ACYP2: variants seen among roughly 807,000 people sequenced by gnomAD.
ACYP2 encodes acylphosphatase-2.
In ACYP2, 12 loss-of-function variants were observed where a neutral mutation model predicts 11.2. The observed-to-expected ratio is 1.08, with a 90% confidence interval of 0.69 to 1.74. The LOEUF is 1.74. Among genes scored for constraint, ACYP2 ranks in the 40% most tolerant of loss-of-function variants. ACYP2 has a pLI of 0.00. For missense variants in ACYP2, 134 were observed against 101.9 expected, an observed-to-expected ratio of 1.31 and a Z score of -1.35; for synonymous variants, 43 against 32.2, an observed-to-expected ratio of 1.33 and a Z score of -1.13.
chr2:54,046,167 CAAAAAAAAAAAAAA>C (rs36114622), intron 2 of ACYP2, among the ~76,000 whole-genome samples: 3 of 55,846 alleles, frequency 5.4e-5, no homozygotes, highest in Admixed American at 4.7e-4. Context: ...CAGACCCTGT[CAAAAAAAAAAAAAA>C]AAAAAAAAAA....
chr2:54,053,898 T>G (rs941777944), intron 3 of ACYP2, among the ~76,000 whole-genome samples: 1 of 152,250 alleles, frequency 6.6e-6, no homozygotes, highest in African/African-American at 2.4e-5. Flanking sequence ...TTACTCTCAC[T>G]GGGAGAGGGC....
rs1423433774 is a variant in ACYP2 at position 54,252,800 on chromosome 2, A to T, written c.405-51888A>T. 5.3e-5 allele frequency among the ~76,000 whole-genome samples: 8 copies of T among 152,090 alleles called. No homozygotes were observed. The Middle Eastern group carries it at 0.024, about 453-fold the overall frequency. On this transcript the variant is annotated intron_variant, in intron 6 of 6. Transcript: ENST00000607452. ...GCACCTGTAGTCCCAGCTACTCGGG[A>T]GGCTGAGGCAGGAGAACGGTATGAA...
At chr2:54,129,913 T>C (rs1160557258) in intron 4 of ACYP2, among the ~76,000 whole-genome samples, 1 of 148,466 alleles carries the variant, frequency 6.7e-6, no homozygotes, top group East Asian at 1.9e-4. Context: ...GTATAATACA[T>C]ATATAATAAA....
chr2:54,275,906 AT>A (rs1688541385), intron 6 of ACYP2, among the ~76,000 whole-genome samples: 1 of 152,188 alleles, frequency 6.6e-6, no homozygotes, highest in African/African-American at 2.4e-5. Context: ...CATTAAGCGT[AT>A]CCCTAATTAT....
chr2:54,277,167 G>A (rs1383116468), intron 6 of ACYP2, among the ~76,000 whole-genome samples: 1 of 152,126 alleles, frequency 6.6e-6, no homozygotes, highest in African/African-American at 2.4e-5. Context: ...GAATCAAAGT[G>A]CATGCTCATT....
chr2:54,298,148 T>C (rs1434238457), intron 6 of ACYP2, among the ~76,000 whole-genome samples: 1 of 152,214 alleles, frequency 6.6e-6, no homozygotes, highest in Non-Finnish European at 1.5e-5. Flanking sequence ...AGGGATTAAG[T>C]AAATATATCA....
chr2:53,989,277 CTTTTTT>C (rs775237196), intron 2 of ACYP2, among the ~76,000 whole-genome samples: 52 of 94,816 alleles, frequency 5.5e-4, no homozygotes, highest in East Asian at 1.6e-3. Context: ...GTAGACAATT[CTTTTTT>C]TTTTTTTTTT....
At chr2:54,024,438 G>A (rs897764478) in intron 2 of ACYP2, among the ~76,000 whole-genome samples, 8 of 152,082 alleles carry the variant, frequency 5.3e-5, no homozygotes, top group African/African-American at 1.4e-4. Context: ...TTTAACATAC[G>A]CAAATCAATA....
chr2:54,249,696 A>C (rs1687124133), intron 6 of ACYP2, among the ~76,000 whole-genome samples: 1 of 152,134 alleles, frequency 6.6e-6, no homozygotes, highest in Non-Finnish European at 1.5e-5. Context: ...AAATCCCAGC[A>C]CTCTGAGGCC....
chr2:54,111,245 A>G (rs540821889), intron 4 of ACYP2, among the ~76,000 whole-genome samples: 1 of 152,312 alleles, frequency 6.6e-6, no homozygotes, highest in South Asian at 2.1e-4. Flanking sequence ...CTACAAAAAG[A>G]ATCCTGCAAA....
At chr2:54,276,473 T>C (rs1463101117) in intron 6 of ACYP2, among the ~76,000 whole-genome samples, 1 of 152,158 alleles carries the variant, frequency 6.6e-6, no homozygotes, top group Non-Finnish European at 1.5e-5. Context: ...ATACCATGGG[T>C]AGAATCTTCA....
chr2:54,086,462 G>A (rs920379424), intron 4 of ACYP2, among the ~76,000 whole-genome samples: 7 of 152,172 alleles, frequency 4.6e-5, no homozygotes, highest in African/African-American at 1.7e-4. Context: ...CTCACAAGCG[G>A]GTGTGGGAAG....
chr2:54,267,070 T>C (rs1688066254), intron 6 of ACYP2, among the ~76,000 whole-genome samples: 1 of 152,186 alleles, frequency 6.6e-6, no homozygotes, highest in African/African-American at 2.4e-5. Context: ...TCTTATCTCT[T>C]GTGGTGGACA....
intron 6 of ACYP2, among the ~76,000 whole-genome samples, chr2:54,233,377 C>G (rs1245492129): frequency 6.7e-6 from 1 of 148,298 alleles, no homozygotes; most frequent in Non-Finnish European, 1.5e-5. Flanking sequence ...CTCACTGCAA[C>G]CTCTACTTCC....
intron 4 of ACYP2, among the ~76,000 whole-genome samples, chr2:54,093,716 G>A (rs1011889105): frequency 9.9e-5 from 15 of 152,234 alleles, no homozygotes; most frequent in African/African-American, 3.4e-4. Context: ...CGAGGCGGGT[G>A]GATCACGAGG....
At position 54,052,174 on chromosome 2, in the gene ACYP2, GT is replaced by G. The variant is rs368803930; in HGVS notation, c.155+1132del. The stretch of plus-strand genomic sequence containing the variant: ...TGCTGAATAAGTTTGTTTTAGTGCA[GT>G]TTTTTTTCTTATCTATAAAGCATTT... On this transcript the variant is annotated intron_variant, in intron 3 of 6. Coordinates refer to ENST00000607452, the MANE Select transcript of ACYP2 (RefSeq NM_001320586.2). 6.6e-5 allele frequency among the ~76,000 whole-genome samples: 10 copies of G among 151,928 alleles called. 1 individual carries two copies. Among genetic ancestry groups the G allele is most frequent in the African/African-American group, 1.4e-4 (6 of 41,428 alleles).
chr2:54,253,160 T>C (rs1198415154), intron 6 of ACYP2: 5 of 152,210 alleles, frequency 3.3e-5, no homozygotes, highest in Non-Finnish European at 5.9e-5. Context: ...GGACAAGTTA[T>C]CAAAAAGGAC....
At chr2:54,160,702 G>A (rs1682674132) in intron 6 of ACYP2, among the ~76,000 whole-genome samples, 1 of 152,210 alleles carries the variant, frequency 6.6e-6, no homozygotes, top group African/African-American at 2.4e-5. Context: ...AACATAGGCA[G>A]ATGACAGACT....
intron 4 of ACYP2, among the ~76,000 whole-genome samples, chr2:54,129,182 C>T (rs754907565): frequency 2.0e-5 from 3 of 152,256 alleles, no homozygotes; most frequent in South Asian, 2.1e-4. Flanking sequence ...AGGTACTAAT[C>T]GTATCCCCAG....
Sources: allele counts gnomAD v4.1 joint callset (sites outside exome capture counted in the v4.1 genomes callset), GRCh38; gene constraint gnomAD v4.1.1; transcripts MANE v1.5; gene names NCBI Gene and HGNC (gene_info 2026-07-23, HGNC 2026-07-21).